The following PDE4B variants were observed in gnomAD, a reference collection of about 807,000 sequenced individuals.
PDE4B encodes the protein 3',5'-cyclic-AMP phosphodiesterase 4B.
In PDE4B, 20 loss-of-function variants were observed where a neutral mutation model predicts 82.2. The ratio of observed to expected loss-of-function variants is 0.24; its 90% confidence interval spans 0.17 to 0.35. PDE4B has a LOEUF of 0.35. Ranked by LOEUF, PDE4B falls within the 10% of genes least tolerant of loss-of-function variation. PDE4B has a pLI of 1.00. For missense variants in PDE4B, 655 were observed against 907.2 expected, an observed-to-expected ratio of 0.72 and a Z score of 3.57; for synonymous variants, 320 against 318.9, an observed-to-expected ratio of 1.00 and a Z score of -0.04.
chr1:66,188,383 G>A (rs1445084841), intron 3 of PDE4B, among the ~76,000 whole-genome samples: 1 of 151,378 alleles, frequency 6.6e-6, no homozygotes, highest in African/African-American at 2.4e-5. Flanking sequence ...CAATTCCTGG[G>A]TATCCTTGTT....
At chr1:66,330,724 T>C in intron 7 of PDE4B, 2 of 971,316 alleles carry the variant, frequency 2.1e-6, no homozygotes, top group Non-Finnish European at 2.4e-6. Flanking sequence ...GAAGAAGTGC[T>C]CTTCTGGAAG....
intron 1 of PDE4B, among the ~76,000 whole-genome samples, chr1:65,896,505 T>TAC (rs1252041311): frequency 6.6e-6 from 1 of 152,180 alleles, no homozygotes; most frequent in Non-Finnish European, 1.5e-5. Flanking sequence ...ACAGTCTGTG[T>TAC]AATGACAGTC....
intron 7 of PDE4B, among the ~76,000 whole-genome samples, chr1:66,301,693 A>G (rs1413196976): frequency 6.6e-6 from 1 of 152,146 alleles, no homozygotes; most frequent in East Asian, 1.9e-4. Context: ...TAAAAATACT[A>G]AAGTTCATTT....
intron 3 of PDE4B, among the ~76,000 whole-genome samples, chr1:66,035,079 T>C (rs1380600740): frequency 1.3e-5 from 2 of 152,220 alleles, no homozygotes; most frequent in Non-Finnish European, 2.9e-5. Flanking sequence ...AGTACTTATC[T>C]GCAATCCATT....
At chr1:66,093,906 C>T (rs1447936245) in intron 3 of PDE4B, among the ~76,000 whole-genome samples, 2 of 152,000 alleles carry the variant, frequency 1.3e-5, no homozygotes, top group Admixed American at 1.3e-4. Context: ...CATTTGGGCC[C>T]TTGATGTTCT....
In PDE4B at chr1:65,886,309, T is replaced by C. The variant is rs572804050; in HGVS notation, c.-70-26936T>C. Among the ~76,000 whole-genome samples, 7 of 152,246 alleles carry C rather than the reference T, an allele frequency of 4.6e-5. 1 individual carries two copies. The highest frequency in any genetic ancestry group is 1.7e-4 in the African/African-American group (7 of 41,566). ...ACATGTGGTATTTTGTTATATGCGC[T>C]GACTCTAATGATCAAGTCAGAGTAT... On this transcript the variant is annotated intron_variant, in intron 1 of 16. Coordinates refer to ENST00000341517, the MANE Select transcript of PDE4B (RefSeq NM_002600.4).
intron 3 of PDE4B, among the ~76,000 whole-genome samples, chr1:66,232,311 G>A (rs940718011): frequency 6.6e-6 from 1 of 152,170 alleles, no homozygotes; most frequent in Non-Finnish European, 1.5e-5. Context: ...CTCTGTCCGG[G>A]CGCCTCTCCT....
At chr1:65,814,756 G>C (rs1255401118) in intron 1 of PDE4B, among the ~76,000 whole-genome samples, 1 of 151,802 alleles carries the variant, frequency 6.6e-6, no homozygotes, top group Non-Finnish European at 1.5e-5. Flanking sequence ...TCTTATTGCT[G>C]TATGGGATAT....
intron 7 of PDE4B, among the ~76,000 whole-genome samples, chr1:66,287,386 C>T (rs948968881): frequency 6.6e-6 from 1 of 152,118 alleles, no homozygotes; most frequent in Non-Finnish European, 1.5e-5. Context: ...TCTCAGAACC[C>T]AGCACAGTGC....
At chr1:66,230,681 T>A (rs75670388) in intron 3 of PDE4B, among the ~76,000 whole-genome samples, 2,076 of 152,344 alleles carry the variant, frequency 0.014, 28 homozygotes, top group Non-Finnish European at 0.023. Context: ...TCAATTTTTG[T>A]TGTAAGAACA....
At chr1:66,125,156 A>C in intron 3 of PDE4B, among the ~76,000 whole-genome samples, 1 of 131,612 alleles carries the variant, frequency 7.6e-6, no homozygotes. Context: ...ATGATGGCCC[A>C]TACTATTCCT....
chr1:65,881,963 T>C (rs1646713535), intron 1 of PDE4B, among the ~76,000 whole-genome samples: 1 of 152,204 alleles, frequency 6.6e-6, no homozygotes, highest in South Asian at 2.1e-4. Context: ...TGAGAATTTG[T>C]TCTTCAACAA....
chr1:65,918,500 G>A, intron 2 of PDE4B, 97 bp from the exon 3 acceptor site: 2 of 718,106 alleles, frequency 2.8e-6, no homozygotes, highest in East Asian at 2.5e-5. Context: ...GACATCATAA[G>A]TGACAGCTTG....
At chr1:65,936,166 G>A (rs753253131) in intron 3 of PDE4B, among the ~76,000 whole-genome samples, 3 of 152,064 alleles carry the variant, frequency 2.0e-5, no homozygotes, top group African/African-American at 4.8e-5. Flanking sequence ...TGCCCCACTG[G>A]AGGGTCTTCA....
chr1:66,368,588 T>C lies in PDE4B; in HGVS notation c.1663-199T>C, dbSNP rs1221351602. On this transcript the variant is annotated intron_variant, in intron 15 of 16. Transcript: ENST00000341517. ...TCTAAGAAGACACACGTTTTCCCCT[T>C]TGGGACTCTATAAAAGTAAATAACT... 3.3e-5 allele frequency among the ~76,000 whole-genome samples: 5 copies of C among 152,342 alleles called. No individual in the cohort carries two copies. In the South Asian group the frequency reaches 6.2e-4, roughly 19 times the overall value.
At chr1:65,993,075 T>G (rs546961593) in intron 3 of PDE4B, 2 of 1,613,870 alleles carry the variant, frequency 1.2e-6, no homozygotes, top group East Asian at 2.2e-5. Flanking sequence ...CTCACCATGC[T>G]TTTTCAGAAA....
chr1:66,066,315 C>T (rs1282089001), intron 3 of PDE4B, among the ~76,000 whole-genome samples: 2 of 151,760 alleles, frequency 1.3e-5, no homozygotes, highest in Non-Finnish European at 2.9e-5. Context: ...AATTAGTATA[C>T]ATTTTTTAGT....
intron 7 of PDE4B, among the ~76,000 whole-genome samples, chr1:66,315,947 C>A (rs1192415083): frequency 6.6e-6 from 1 of 152,230 alleles, no homozygotes; most frequent in Non-Finnish European, 1.5e-5. Flanking sequence ...CTCACTCACT[C>A]TCCACCCTCC....
intron 3 of PDE4B, among the ~76,000 whole-genome samples, chr1:65,984,575 C>T (rs967203143): frequency 3.9e-5 from 6 of 151,956 alleles, no homozygotes; most frequent in Admixed American, 6.6e-5. Context: ...GCCAACATGG[C>T]GAAATCCCAT....
Sources: allele counts gnomAD v4.1 joint callset (sites outside exome capture counted in the v4.1 genomes callset), GRCh38; gene constraint gnomAD v4.1.1; transcripts MANE v1.5; gene names NCBI Gene and HGNC (gene_info 2026-07-23, HGNC 2026-07-21).